Variants in CNTN4 observed in about 807,000 individuals in gnomAD.
CNTN4 encodes the protein contactin 4, also known as contactin-4.
In CNTN4, 77 loss-of-function variants were observed where a neutral mutation model predicts 122.5. The observed-to-expected ratio is 0.63, with a 90% CI of 0.52 to 0.76. CNTN4 has a LOEUF of 0.76. Among genes scored for constraint, CNTN4 ranks in the 30% least tolerant of loss-of-function variants. The pLI is 0.00. For missense variants in CNTN4, 1,256 were observed against 1,259.1 expected (o/e 1.00, Z 0.04); for synonymous variants, 512 against 447.0 (o/e 1.15, Z -1.83).
intron 3 of CNTN4, among the ~76,000 whole-genome samples, chr3:2,489,552 A>C (rs912803944): frequency 6.6e-6 from 1 of 152,234 alleles, no homozygotes; most frequent in Non-Finnish European, 1.5e-5. Context: ...GTTCTGAGGA[A>C]TTAAGAGAGT....
At chr3:2,408,429 C>T (rs1248164732) in intron 3 of CNTN4, among the ~76,000 whole-genome samples, 2 of 152,124 alleles carry the variant, frequency 1.3e-5, no homozygotes, top group East Asian at 1.9e-4. Context: ...GTAAGAGGTA[C>T]AATTTATAAT....
At chr3:2,423,244 A>G (rs978166040) in intron 3 of CNTN4, among the ~76,000 whole-genome samples, 3 of 152,104 alleles carry the variant, frequency 2.0e-5, no homozygotes, top group African/African-American at 7.2e-5. Context: ...TTTTTGACAA[A>G]CAAACTTCTA....
At chr3:2,961,801 G>A (rs28420860) in intron 13 of CNTN4, among the ~76,000 whole-genome samples, 2,935 of 152,272 alleles carry the variant, frequency 0.019, 76 homozygotes, top group African/African-American at 0.066. Context: ...CTTTGAGGGC[G>A]AAAACAAAGC....
chr3:2,627,684 G>C (rs149319928), intron 4 of CNTN4, among the ~76,000 whole-genome samples: 1 of 151,690 alleles, frequency 6.6e-6, no homozygotes, highest in African/African-American at 2.4e-5. Context: ...TAGTAGAGAC[G>C]GGGTTTCACC....
chr3:2,895,960 A>G (rs4684370), intron 10 of CNTN4, among the ~76,000 whole-genome samples: 12,375 of 152,096 alleles, frequency 0.081, 640 homozygotes, highest in African/African-American at 0.15. Context: ...GTGAACCCAG[A>G]AGGCAGAGTT....
intron 3 of CNTN4, among the ~76,000 whole-genome samples, chr3:2,509,755 C>T (rs778662701): frequency 3.3e-5 from 5 of 152,170 alleles, no homozygotes; most frequent in African/African-American, 9.7e-5. Flanking sequence ...CTCAATGATA[C>T]ACATTTTTTC....
intron 3 of CNTN4, among the ~76,000 whole-genome samples, chr3:2,537,105 T>C (rs2149271585): frequency 6.6e-6 from 1 of 152,074 alleles, no homozygotes; most frequent in East Asian, 1.9e-4. Flanking sequence ...GATTTCTAAA[T>C]TTTGGGGGGA....
intron 3 of CNTN4, among the ~76,000 whole-genome samples, chr3:2,426,927 C>CT (rs1206497954): frequency 6.6e-6 from 1 of 152,128 alleles, no homozygotes; most frequent in African/African-American, 2.4e-5. Flanking sequence ...TCCCCTTTAT[C>CT]TTTTTTTATT....
At chr3:2,892,393 A>T (rs2151058778) in intron 10 of CNTN4, 1 of 152,358 alleles carries the variant, frequency 6.6e-6, no homozygotes, top group Admixed American at 6.5e-5. Context: ...GTGAAGCTGA[A>T]GATTAAATGA....
At chr3:2,927,874 C>CA (rs2094487896) in intron 13 of CNTN4, among the ~76,000 whole-genome samples, 1 of 152,218 alleles carries the variant, frequency 6.6e-6, no homozygotes, top group Non-Finnish European at 1.5e-5. Flanking sequence ...AGGCTAGTCC[C>CA]AAACTATCAA....
intron 13 of CNTN4, among the ~76,000 whole-genome samples, chr3:2,968,134 T>C (rs185028497): frequency 6.6e-6 from 1 of 152,344 alleles, no homozygotes; most frequent in Admixed American, 6.5e-5. Flanking sequence ...AAAAATGGTT[T>C]GTCAGCAGCT....
At chr3:2,552,319 GAAC>G (rs2078541949) in intron 3 of CNTN4, among the ~76,000 whole-genome samples, 2 of 152,178 alleles carry the variant, frequency 1.3e-5, no homozygotes, top group African/African-American at 2.4e-5. Context: ...AGAGCTCACA[GAAC>G]AACAACTTCA....
intron 6 of CNTN4, among the ~76,000 whole-genome samples, chr3:2,747,167 T>C (rs1465733882): frequency 6.6e-6 from 1 of 151,922 alleles, no homozygotes. Flanking sequence ...CCCAGCATTT[T>C]GGGAGGCCGA....
At chr3:2,327,316 T>C (rs1384445548) in intron 2 of CNTN4, among the ~76,000 whole-genome samples, 1 of 152,214 alleles carries the variant, frequency 6.6e-6, no homozygotes, top group Non-Finnish European at 1.5e-5. Flanking sequence ...CTGGAAGTTA[T>C]TGTGTGTGTA....
intron 6 of CNTN4, among the ~76,000 whole-genome samples, chr3:2,778,081 G>A (rs139053202): frequency 0.064 from 8,550 of 134,182 alleles, 442 homozygotes; most frequent in East Asian, 0.17. Context: ...GGGCGTGGTG[G>A]CGGGCGCCTG....
intron 23 of CNTN4, among the ~76,000 whole-genome samples, chr3:3,049,070 C>A (rs1448180708): frequency 6.6e-6 from 1 of 152,142 alleles, no homozygotes; most frequent in African/African-American, 2.4e-5. Context: ...TCCAATTCAT[C>A]TTAACTTTAT....
chr3:2,868,442 G>A (rs771078406), intron 8 of CNTN4, among the ~76,000 whole-genome samples: 1 of 152,090 alleles, frequency 6.6e-6, no homozygotes, highest in Admixed American at 6.5e-5. Flanking sequence ...TGCAAGACGG[G>A]AACTCAGATT....
At chr3:2,238,976 C>G (rs1251740885) in intron 2 of CNTN4, 6 of 148,942 alleles carry the variant, frequency 4.0e-5, no homozygotes, top group African/African-American at 7.4e-5. Context: ...CCGCCCGCCT[C>G]GGCCTCCCAA....
At chr3:2,809,640 G>C (rs1464394097) in intron 6 of CNTN4, among the ~76,000 whole-genome samples, 1 of 152,200 alleles carries the variant, frequency 6.6e-6, no homozygotes, top group African/African-American at 2.4e-5. Context: ...TAACACTCCT[G>C]AGTCAGGATG....
Sources: allele counts gnomAD v4.1 joint callset (sites outside exome capture counted in the v4.1 genomes callset), GRCh38; gene constraint gnomAD v4.1.1; transcripts MANE v1.5; gene names NCBI Gene and HGNC (gene_info 2026-07-23, HGNC 2026-07-21).